The following STXBP5L variants were observed in gnomAD, a reference collection of about 807,000 sequenced individuals.
STXBP5L encodes the protein syntaxin binding protein 5L, also known as syntaxin-binding protein 5-like.
Under a neutral mutation model 144.5 loss-of-function variants are expected in STXBP5L, and 65 were observed. The observed-to-expected ratio is 0.45, with a 90% confidence interval of 0.37 to 0.55. The LOEUF is 0.55. STXBP5L is among the 20% of genes least tolerant of loss of function. The probability of loss-of-function intolerance (pLI) is 0.00; values close to 1 mark genes in which losing one functional copy is unlikely to be tolerated. For synonymous variants in STXBP5L, 505 were observed against 469.6 expected, an observed-to-expected ratio of 1.08 and a Z score of -0.97; for missense variants, 1,298 against 1,405.5, an observed-to-expected ratio of 0.92 and a Z score of 1.22.
chr3:120,948,620 G>T (rs9836366), intron 2 of STXBP5L, among the ~76,000 whole-genome samples: 1 of 151,754 alleles, frequency 6.6e-6, no homozygotes, highest in African/African-American at 2.4e-5. Flanking sequence ...TGTCCTCATA[G>T]GTTAGCTCTT....
At chr3:121,202,971 C>CT (rs201206311) in intron 9 of STXBP5L, among the ~76,000 whole-genome samples, 5,399 of 151,576 alleles carry the variant, frequency 0.036, 147 homozygotes, top group Middle Eastern at 0.082. Flanking sequence ...GTTTGTATTC[C>CT]TTTCTTTCCT....
chr3:121,285,042 C>T (rs2051182201), intron 19 of STXBP5L, among the ~76,000 whole-genome samples: 1 of 152,056 alleles, frequency 6.6e-6, no homozygotes, highest in Non-Finnish European at 1.5e-5. Context: ...TTTCTATAGT[C>T]TCACTTTATT....
Position 121,420,995 on chromosome 3 carries a change from C to T in STXBP5L, c.*1898C>T, listed in dbSNP as rs1262605024. ...AATCTCCCAGACTCCTGTGAACAGC[C>T]TTACGGTAACAGAATCTGGCTTGGA... On this transcript the variant is annotated 3_prime_UTR_variant, in exon 27 of 27. Coordinates refer to ENST00000471454, the MANE Select transcript of STXBP5L (RefSeq NM_001308330.2). 1 of 151,970 alleles carries T rather than the reference C, an allele frequency of 6.6e-6. No individual in the cohort carries two copies. The highest frequency in any genetic ancestry group is 2.4e-5 in the African/African-American group (1 of 41,368). 9.4% of individuals were successfully genotyped at this position (151,970 alleles called of 1,614,324 possible).
chr3:121,315,581 T>C (rs2043756734), intron 19 of STXBP5L, among the ~76,000 whole-genome samples: 1 of 151,864 alleles, frequency 6.6e-6, no homozygotes, highest in Admixed American at 6.6e-5. Context: ...CATGTATACA[T>C]ATGTAACTAA....
At chr3:121,219,002 A>G (rs2048891233) in intron 10 of STXBP5L, among the ~76,000 whole-genome samples, 1 of 152,152 alleles carries the variant, frequency 6.6e-6, no homozygotes, top group African/African-American at 2.4e-5. Context: ...AGTTAAAATT[A>G]TTCAAGTATT....
intron 5 of STXBP5L, among the ~76,000 whole-genome samples, chr3:121,053,991 T>C (rs1051926466): frequency 8.6e-5 from 13 of 151,820 alleles, no homozygotes; most frequent in Admixed American, 5.9e-4. Context: ...CATGAAAAAA[T>C]GCTCATCATC....
chr3:121,037,935 G>T (rs1382518861), intron 3 of STXBP5L, among the ~76,000 whole-genome samples: 1 of 151,752 alleles, frequency 6.6e-6, no homozygotes, highest in African/African-American at 2.4e-5. Flanking sequence ...CAAATTTATT[G>T]GCATAATTTT....
chr3:120,923,862 G>A (rs1464812516), intron 2 of STXBP5L, among the ~76,000 whole-genome samples: 1 of 152,050 alleles, frequency 6.6e-6, no homozygotes, highest in Non-Finnish European at 1.5e-5. Context: ...ATTTGGTCTA[G>A]TGTGTAGTTT....
intron 9 of STXBP5L, among the ~76,000 whole-genome samples, chr3:121,160,858 A>G (rs913491937): frequency 1.2e-4 from 19 of 152,072 alleles, no homozygotes; most frequent in Admixed American, 6.5e-4. Context: ...TTTTATTTTC[A>G]CATATTTTTT....
chr3:121,063,943 C>A (rs2041413474), intron 5 of STXBP5L, among the ~76,000 whole-genome samples: 1 of 152,080 alleles, frequency 6.6e-6, no homozygotes, highest in South Asian at 2.1e-4. Context: ...GGGTTGGGGT[C>A]CACTGAGCTA....
chr3:121,204,539 T>C (rs2048261845), intron 9 of STXBP5L, among the ~76,000 whole-genome samples: 1 of 152,198 alleles, frequency 6.6e-6, no homozygotes, highest in Non-Finnish European at 1.5e-5. Context: ...CCTATTTGGA[T>C]ATGCTTATGT....
At chr3:121,029,136 G>T (rs567522339) in intron 3 of STXBP5L, among the ~76,000 whole-genome samples, 4 of 152,076 alleles carry the variant, frequency 2.6e-5, no homozygotes, top group South Asian at 2.1e-4. Context: ...TGCTATCCCC[G>T]TCAAGCTACC....
chr3:121,329,269 G>C (rs1187886449), intron 20 of STXBP5L, among the ~76,000 whole-genome samples: 4 of 152,114 alleles, frequency 2.6e-5, no homozygotes, highest in Non-Finnish European at 5.9e-5. Context: ...TCAACCTCTT[G>C]ATGTCAGTAT....
At position 121,102,652 on chromosome 3, in the gene STXBP5L, A is replaced by G. The variant is rs906350572; in HGVS notation, c.471-12273A>G. 2.0e-5 allele frequency among the ~76,000 whole-genome samples: 3 copies of G among 152,268 alleles called. No individual in the cohort carries two copies. The East Asian group carries it at 5.8e-4, about 29-fold the overall frequency. On this transcript the variant is annotated intron_variant, in intron 5 of 26. Coordinates refer to ENST00000471454, the MANE Select transcript of STXBP5L (RefSeq NM_001308330.2). The stretch of plus-strand genomic sequence containing the variant: ...GGACATTGGCCTTGGGAAAGAATTT[A>G]TGACTAGGTCTTCAAAAGCAATTAC...
chr3:121,366,265 G>C (rs1224705700), intron 20 of STXBP5L, among the ~76,000 whole-genome samples: 1 of 151,908 alleles, frequency 6.6e-6, no homozygotes, highest in African/African-American at 2.4e-5. Context: ...ATATATCACT[G>C]TTAGATCTAG....
intron 5 of STXBP5L, among the ~76,000 whole-genome samples, chr3:121,056,532 G>T (rs1319310131): frequency 1.6e-4 from 24 of 152,100 alleles, no homozygotes; most frequent in Non-Finnish European, 4.4e-5. Flanking sequence ...ATCTGAATTG[G>T]CTTTTGCAGA....
chr3:121,302,268 T>C (rs2108492964), intron 19 of STXBP5L, among the ~76,000 whole-genome samples: 1 of 152,324 alleles, frequency 6.6e-6, no homozygotes, highest in East Asian at 1.9e-4. Flanking sequence ...TGGTTTAGTC[T>C]TAGGAGGGTG....
intron 3 of STXBP5L, among the ~76,000 whole-genome samples, chr3:120,975,356 G>T (rs1269076795): frequency 6.6e-6 from 1 of 152,204 alleles, no homozygotes; most frequent in South Asian, 2.1e-4. Flanking sequence ...TCTGTTATTG[G>T]TGTATAAGAA....
chr3:121,354,890 G>A (rs1180497752), intron 20 of STXBP5L, among the ~76,000 whole-genome samples: 1 of 152,046 alleles, frequency 6.6e-6, no homozygotes, highest in Non-Finnish European at 1.5e-5. Flanking sequence ...AGGCTTGGTG[G>A]TGACAAAATC....
Sources: gnomAD v4.1 joint callset for allele counts (sites outside exome capture counted in the v4.1 genomes callset) on GRCh38, gnomAD v4.1.1 for gene constraint, MANE v1.5 for transcripts, NCBI Gene and HGNC (gene_info 2026-07-23, HGNC 2026-07-21) for gene names.